The following RYR2 variants were observed in gnomAD, a reference collection of about 807,000 sequenced individuals.
RYR2 encodes ryanodine receptor 2.
A neutral mutation model predicts 601.1 loss-of-function variants in RYR2; 227 were observed. That is an observed-to-expected ratio of 0.38 (90% confidence interval 0.34 to 0.42). The LOEUF (loss-of-function observed/expected upper bound fraction) is 0.42, where lower values mean the gene tolerates loss of function less well. Among genes scored for constraint, RYR2 ranks in the 10% least tolerant of loss-of-function variants. RYR2 has a pLI of 1.00. For missense variants in RYR2, 4,646 were observed against 6,156.5 expected, an observed-to-expected ratio of 0.75 and a Z score of 8.21; for synonymous variants, 2,223 against 2,175.1, an observed-to-expected ratio of 1.02 and a Z score of -0.61.
At chr1:237,061,291 CTAT>C (rs1558164226) in intron 1 of RYR2, among the ~76,000 whole-genome samples, 1 of 111,658 alleles carries the variant, frequency 9.0e-6, no homozygotes, top group Non-Finnish European at 2.0e-5. Context: ...ATCTATCTAT[CTAT>C]CTATCTATCT....
intron 1 of RYR2, among the ~76,000 whole-genome samples, chr1:237,218,333 C>G (rs1431581009): frequency 2.6e-5 from 4 of 152,104 alleles, no homozygotes; most frequent in Non-Finnish European, 5.9e-5. Flanking sequence ...TTGAGGAATA[C>G]TGTGAACTGG....
At chr1:237,276,152 C>T (rs1244533938) in intron 2 of RYR2, among the ~76,000 whole-genome samples, 1 of 152,004 alleles carries the variant, frequency 6.6e-6, no homozygotes, top group Non-Finnish European at 1.5e-5. Flanking sequence ...CAGGTTGGAG[C>T]GTGGTAGCAC....
chr1:237,680,946 G>A (rs922147400), intron 62 of RYR2, among the ~76,000 whole-genome samples: 2 of 152,092 alleles, frequency 1.3e-5, no homozygotes, highest in East Asian at 1.9e-4. Context: ...AGCATTTATT[G>A]TTCAGAAGAA....
intron 24 of RYR2, among the ~76,000 whole-genome samples, chr1:237,524,753 T>G (rs954524644): frequency 1.3e-5 from 2 of 151,940 alleles, no homozygotes; most frequent in African/African-American, 4.8e-5. Flanking sequence ...TACAGATATA[T>G]ATAGAGAGAG....
At chr1:237,518,702 A>C (rs1666801422) in intron 24 of RYR2, among the ~76,000 whole-genome samples, 1 of 152,196 alleles carries the variant, frequency 6.6e-6, no homozygotes, top group Admixed American at 6.5e-5. Context: ...GCTGATGTGA[A>C]TAGTGCCGCA....
At chr1:237,260,513 G>T (rs1688409869) in intron 1 of RYR2, among the ~76,000 whole-genome samples, 2 of 152,128 alleles carry the variant, frequency 1.3e-5, no homozygotes, top group South Asian at 2.1e-4. Flanking sequence ...ATGAGTGAAG[G>T]CAGGTCACAA....
chr1:237,399,721 A>G (rs550373673), intron 10 of RYR2, among the ~76,000 whole-genome samples: 3 of 152,226 alleles, frequency 2.0e-5, no homozygotes, highest in African/African-American at 7.2e-5. Context: ...AGCTGACTCC[A>G]TTGGCTACTT....
intron 1 of RYR2, among the ~76,000 whole-genome samples, chr1:237,156,037 C>T (rs1331982086): frequency 2.6e-5 from 4 of 152,220 alleles, no homozygotes; most frequent in African/African-American, 9.7e-5. Context: ...CCCTCTCTAA[C>T]TCTGGTTAGA....
chr1:237,376,745 G>T (rs1701065496), intron 7 of RYR2, among the ~76,000 whole-genome samples: 1 of 152,100 alleles, frequency 6.6e-6, no homozygotes, highest in Admixed American at 6.6e-5. Context: ...TTTTTCTTTA[G>T]AAGGATTCTC....
chr1:237,276,264 T>C (rs750010558), intron 2 of RYR2, among the ~76,000 whole-genome samples: 3 of 152,156 alleles, frequency 2.0e-5, no homozygotes, highest in Non-Finnish European at 4.4e-5. Flanking sequence ...CATGCCTGGC[T>C]AATTTTTGTA....
At chr1:237,426,657 A>G (rs1267167360) in intron 12 of RYR2, among the ~76,000 whole-genome samples, 1 of 152,248 alleles carries the variant, frequency 6.6e-6, no homozygotes, top group African/African-American at 2.4e-5. Flanking sequence ...ATATCCTTCC[A>G]GCAAAATATA....
chr1:237,243,416 ACGGG>A (rs1686431201), intron 1 of RYR2, among the ~76,000 whole-genome samples: 1 of 152,088 alleles, frequency 6.6e-6, no homozygotes, highest in South Asian at 2.1e-4. Context: ...ATTTACATTT[ACGGG>A]CTTATTATAA....
chr1:237,740,132 T>C (rs1432295124), intron 79 of RYR2, among the ~76,000 whole-genome samples: 3 of 152,226 alleles, frequency 2.0e-5, no homozygotes, highest in Non-Finnish European at 2.9e-5. Flanking sequence ...CTTAGCATTA[T>C]CATCTATGTC....
chr1:237,778,478 G>A (rs938756953), intron 87 of RYR2, among the ~76,000 whole-genome samples, 188 bp from the exon 88 acceptor site: 4 of 151,682 alleles, frequency 2.6e-5, no homozygotes, highest in East Asian at 1.9e-4. Context: ...AAAGAGGAAC[G>A]TATTTCTCTC....
chr1:237,644,756 G>A (rs1388885014), intron 48 of RYR2, among the ~76,000 whole-genome samples: 2 of 152,024 alleles, frequency 1.3e-5, no homozygotes, highest in Non-Finnish European at 2.9e-5. Context: ...TAGGGGCCAG[G>A]CGTAGTGGCT....
chr1:237,390,984 C>G (rs1156804271), intron 10 of RYR2, among the ~76,000 whole-genome samples: 3 of 152,060 alleles, frequency 2.0e-5, no homozygotes, highest in Non-Finnish European at 2.9e-5. Context: ...AATGAGTCAG[C>G]AGTAGGCAGC....
intron 84 of RYR2, among the ~76,000 whole-genome samples, chr1:237,765,140 T>A (rs139369359): frequency 9.9e-5 from 15 of 152,244 alleles, no homozygotes; most frequent in African/African-American, 2.9e-4. Flanking sequence ...TTTCTTTTAA[T>A]GACTTAATCA....
chr1:237,109,087 C>A lies in RYR2; in HGVS notation c.48+66518C>A, dbSNP rs556365056. Among the ~76,000 whole-genome samples, 16 of 152,150 alleles carry A rather than the reference C, an allele frequency of 1.1e-4. 1 individual carries two copies. In the East Asian group the frequency reaches 3.1e-3, roughly 29 times the overall value. ...CAGTGTGAAACCTAACCTAGCCGAACATAACCGGAATAACCAGGGTAAAAC... is the reference window on the plus strand; with the variant it reads ...CAGTGTGAAACCTAACCTAGCCGAAAATAACCGGAATAACCAGGGTAAAAC... On this transcript the variant is annotated intron_variant, in intron 1 of 104. Transcript: ENST00000366574.
At chr1:237,082,084 C>T (rs1665760371) in intron 1 of RYR2, among the ~76,000 whole-genome samples, 1 of 152,154 alleles carries the variant, frequency 6.6e-6, no homozygotes, top group South Asian at 2.1e-4. Context: ...TCTCAGTTTG[C>T]TATGATCTGG....
Sources: allele counts gnomAD v4.1 joint callset (sites outside exome capture counted in the v4.1 genomes callset), GRCh38; gene constraint gnomAD v4.1.1; transcripts MANE v1.5; gene names NCBI Gene and HGNC (gene_info 2026-07-23, HGNC 2026-07-21).